Variants in ADD1 observed in about 807,000 individuals in gnomAD.
The protein encoded by ADD1 is adducin 1.
ADD1 carries 24 observed loss-of-function variants against 80.5 expected under a neutral mutation model. That is an observed-to-expected ratio of 0.30 (90% CI 0.22 to 0.42). ADD1 has a LOEUF of 0.42. ADD1 is among the 10% of genes least tolerant of loss of function. The probability of loss-of-function intolerance (pLI) is 1.00; values close to 1 mark genes in which losing one functional copy is unlikely to be tolerated. For missense variants in ADD1, 948 were observed against 1,019.0 expected, an observed-to-expected ratio of 0.93 and a Z score of 0.95; for synonymous variants, 373 against 393.8, an observed-to-expected ratio of 0.95 and a Z score of 0.63.
chr4:2,874,855 G>A (rs1731025434), intron 1 of ADD1, among the ~76,000 whole-genome samples: 1 of 152,140 alleles, frequency 6.6e-6, no homozygotes, highest in Non-Finnish European at 1.5e-5. Flanking sequence ...GATGAGACAT[G>A]CAGAATTTCA....
rs545598451 is a variant in ADD1, at chr4:2,898,840, T to C, written c.984+309T>C. The C allele has an allele frequency of 2.2e-3, 918 of 421,512 alleles. 20 individuals carry two copies. The highest frequency in any genetic ancestry group is 0.021 in the South Asian group (895 of 41,712). The allele number at this position is 421,512 out of a possible 1,614,324, so 26.1% of individuals were successfully genotyped here. A position where few individuals can be genotyped will look rare whatever the true frequency, so the allele number is the denominator to read the frequency against. On this transcript the variant is annotated intron_variant, in intron 8 of 15. Transcript: ENST00000683351. ...AGTGTGTGTCATCGCATATGTGATGTCACGTGACCCCCACAGTACTCTTTG... is the reference window on the plus strand; with the variant it reads ...AGTGTGTGTCATCGCATATGTGATGCCACGTGACCCCCACAGTACTCTTTG...
chr4:2,878,989 G>C (rs1415731753), intron 2 of ADD1, among the ~76,000 whole-genome samples: 1 of 152,108 alleles, frequency 6.6e-6, no homozygotes, highest in African/African-American at 2.4e-5. Context: ...GGATTGAAGA[G>C]AGACATGGTT....
intron 5 of ADD1, 99 bp from the exon 6 acceptor site, chr4:2,894,483 C>G: frequency 1.7e-6 from 2 of 1,166,720 alleles, no homozygotes; most frequent in Non-Finnish European, 2.3e-6. Context: ...TGCACTCCAG[C>G]CTGGGCGACA....
chr4:2,913,266 G>T (rs146879611), intron 13 of ADD1, among the ~76,000 whole-genome samples: 70 of 152,338 alleles, frequency 4.6e-4, no homozygotes, highest in African/African-American at 1.7e-3. Flanking sequence ...CAGGATGCAG[G>T]TGCAGCCAGC....
At chr4:2,900,380 G>GAT (rs987541786) in intron 9 of ADD1, 2 of 152,380 alleles carry the variant, frequency 1.3e-5, no homozygotes, top group African/African-American at 4.8e-5. Context: ...AGACCTCTTA[G>GAT]ATGGGGGTCA....
At chr4:2,925,991 A>G (rs979021425) in intron 14 of ADD1, 23 bp from the exon 15 acceptor site, 5 of 1,609,908 alleles carry the variant, frequency 3.1e-6, no homozygotes, top group African/African-American at 1.3e-5. Flanking sequence ...AGCTCCTACC[A>G]TATCCTTCTT....
chr4:2,899,200 A>C, intron 8 of ADD1, 59 bp from the exon 9 acceptor site: 1 of 1,516,558 alleles, frequency 6.6e-7, no homozygotes, highest in Non-Finnish European at 8.9e-7. Context: ...TATTCAAGTC[A>C]TCTGACCCTC....
intron 6 of ADD1, among the ~76,000 whole-genome samples, chr4:2,896,717 G>A (rs978135837): frequency 2.6e-5 from 4 of 151,996 alleles, no homozygotes; most frequent in Non-Finnish European, 5.9e-5. Context: ...ACTATTAAAG[G>A]TACCTTTGAC....
chr4:2,883,960 C>T (rs937919952), intron 3 of ADD1, among the ~76,000 whole-genome samples: 3 of 152,170 alleles, frequency 2.0e-5, no homozygotes, highest in Non-Finnish European at 2.9e-5. Context: ...CGTGAGCCAC[C>T]GCGCCCAGCC....
intron 4 of ADD1, among the ~76,000 whole-genome samples, chr4:2,885,368 A>G (rs1262000665): frequency 3.9e-5 from 6 of 152,152 alleles, no homozygotes; most frequent in Non-Finnish European, 8.8e-5. Flanking sequence ...AAATGGGCCA[A>G]TGACTTAGCC....
chr4:2,920,559 C>T (rs904390487), intron 14 of ADD1, among the ~76,000 whole-genome samples: 1 of 151,692 alleles, frequency 6.6e-6, no homozygotes, highest in African/African-American at 2.4e-5. Context: ...CTTGTTGTTG[C>T]ATTGATCCCT....
At chr4:2,863,576 A>G (rs1729114846) in intron 1 of ADD1, among the ~76,000 whole-genome samples, 1 of 152,200 alleles carries the variant, frequency 6.6e-6, no homozygotes, top group Non-Finnish European at 1.5e-5. Flanking sequence ...CTTGGAAGCC[A>G]GGATACTTGG....
At chr4:2,880,490 T>G (rs1478539303) in intron 2 of ADD1, among the ~76,000 whole-genome samples, 1 of 140,240 alleles carries the variant, frequency 7.1e-6, no homozygotes, top group Non-Finnish European at 1.5e-5. Context: ...TTTTTTTTTT[T>G]TTTGAGACGG....
chr4:2,900,545 C>T (rs975966467), intron 9 of ADD1: 1 of 152,266 alleles, frequency 6.6e-6, no homozygotes, highest in Non-Finnish European at 1.5e-5. Context: ...AGGCGTGGCC[C>T]TTGGACCAGA....
intron 2 of ADD1, among the ~76,000 whole-genome samples, chr4:2,876,895 G>A (rs896479395): frequency 6.6e-6 from 1 of 151,818 alleles, no homozygotes; most frequent in Non-Finnish European, 1.5e-5. Flanking sequence ...CCAGCTACTC[G>A]GGCGGCTGAG....
intron 1 of ADD1, among the ~76,000 whole-genome samples, chr4:2,859,955 G>A (rs1275608077): frequency 6.7e-6 from 1 of 149,654 alleles, no homozygotes; most frequent in Non-Finnish European, 1.5e-5. Flanking sequence ...AACATTCTCA[G>A]GTTAGTACTG....
chr4:2,851,155 C>T (rs1727016744), intron 1 of ADD1, among the ~76,000 whole-genome samples: 1 of 152,058 alleles, frequency 6.6e-6, no homozygotes, highest in Non-Finnish European at 1.5e-5. Flanking sequence ...TCAAGTAATC[C>T]TCCCCACCTC....
chr4:2,884,391 A>G (rs1000918379), intron 3 of ADD1, 124 bp from the exon 4 acceptor site: 18 of 624,530 alleles, frequency 2.9e-5, no homozygotes, highest in Middle Eastern at 5.8e-4. Context: ...CACAGCTGCT[A>G]TCATAAGCAC....
chr4:2,853,392 C>T (rs1244832851), intron 1 of ADD1, among the ~76,000 whole-genome samples: 2 of 152,116 alleles, frequency 1.3e-5, no homozygotes, highest in Admixed American at 6.5e-5. Context: ...CAGGTGTGAG[C>T]CACCGGCGTC....
Sources: allele counts gnomAD v4.1 joint callset (sites outside exome capture counted in the v4.1 genomes callset), GRCh38; gene constraint gnomAD v4.1.1; transcripts MANE v1.5; gene names NCBI Gene and HGNC (gene_info 2026-07-23, HGNC 2026-07-21).